MMP16: variants seen among roughly 807,000 people sequenced by gnomAD.
The protein encoded by MMP16 is matrix metallopeptidase 16.
Under a neutral mutation model 67.8 loss-of-function variants are expected in MMP16, and 12 were observed. That is an observed-to-expected ratio of 0.18 (90% CI 0.11 to 0.29). MMP16 has a LOEUF of 0.29. Ranked by LOEUF, MMP16 falls within the 10% of genes least tolerant of loss-of-function variation. MMP16 has a pLI of 1.00. For missense variants in MMP16, 475 were observed against 765.7 expected (o/e 0.62, Z 4.48); for synonymous variants, 249 against 255.9 (o/e 0.97, Z 0.26).
In MMP16 at chr8:88,093,031, C is replaced by T. The variant is rs553781742; in HGVS notation, c.1084-18288G>A. Among the ~76,000 whole-genome samples the T allele has an allele frequency of 4.4e-4, 67 of 151,758 alleles. 1 individual carries two copies. In the South Asian group the frequency reaches 8.1e-3, roughly 18 times the overall value. On this transcript the variant is annotated intron_variant, in intron 6 of 9. Coordinates refer to ENST00000286614, the MANE Select transcript of MMP16 (RefSeq NM_005941.5). ...ATATTCTAAGGAAATCCAGTATAAA[C>T]GGAGGTTTTGCAATGGGCAATGCAG... is the stretch of plus-strand genomic sequence containing the variant.
chr8:88,194,150 G>T (rs971232847), intron 2 of MMP16, among the ~76,000 whole-genome samples: 2 of 151,650 alleles, frequency 1.3e-5, no homozygotes, highest in African/African-American at 2.4e-5. Flanking sequence ...ATAATATAGG[G>T]ATTACTGCAA....
intron 1 of MMP16, among the ~76,000 whole-genome samples, chr8:88,229,116 T>C (rs1328642653): frequency 6.6e-6 from 1 of 151,962 alleles, no homozygotes; most frequent in Non-Finnish European, 1.5e-5. Flanking sequence ...AAACAAACTA[T>C]ATGGTTACAA....
intron 6 of MMP16, among the ~76,000 whole-genome samples, chr8:88,096,662 G>A (rs1186792769): frequency 6.6e-6 from 1 of 151,932 alleles, no homozygotes; most frequent in Non-Finnish European, 1.5e-5. Context: ...GCCAGTCCCT[G>A]TCAGGAAGAT....
chr8:88,282,862 C>A (rs910384462), intron 1 of MMP16, among the ~76,000 whole-genome samples: 4 of 152,078 alleles, frequency 2.6e-5, no homozygotes, highest in African/African-American at 9.7e-5. Flanking sequence ...TTTAAAACAA[C>A]ATGTGTTTCA....
chr8:88,077,741 A>C (rs910633816), intron 6 of MMP16, among the ~76,000 whole-genome samples: 4 of 152,154 alleles, frequency 2.6e-5, no homozygotes, highest in African/African-American at 9.6e-5. Context: ...ATTACATCTC[A>C]GTTTTTTTCC....
At chr8:88,195,153 A>T (rs1809230400) in intron 2 of MMP16, among the ~76,000 whole-genome samples, 1 of 151,800 alleles carries the variant, frequency 6.6e-6, no homozygotes, top group Non-Finnish European at 1.5e-5. Context: ...TGTGCACATT[A>T]CTCTTCCATT....
chr8:88,048,763 G>T (rs1235694223), intron 8 of MMP16, among the ~76,000 whole-genome samples: 1 of 152,074 alleles, frequency 6.6e-6, no homozygotes, highest in Non-Finnish European at 1.5e-5. Context: ...ATCTACTAAA[G>T]CTAGTGTTTT....
intron 4 of MMP16, among the ~76,000 whole-genome samples, chr8:88,129,499 T>C (rs773481819): frequency 2.6e-5 from 4 of 151,684 alleles, no homozygotes; most frequent in Non-Finnish European, 3.0e-5. Context: ...AACTTTATCT[T>C]GACACATTCA....
At chr8:88,171,181 G>A (rs929632116) in intron 3 of MMP16, among the ~76,000 whole-genome samples, 2 of 151,980 alleles carry the variant, frequency 1.3e-5, no homozygotes, top group Admixed American at 6.6e-5. Context: ...ACAACACATC[G>A]CTGTGTTTTT....
intron 4 of MMP16, among the ~76,000 whole-genome samples, chr8:88,154,535 C>A (rs1053543692): frequency 3.4e-4 from 51 of 151,280 alleles, no homozygotes; most frequent in Admixed American, 3.3e-3. Context: ...TACTATGCAG[C>A]CATAAAAAAT....
At chr8:88,244,610 T>C (rs1301238629) in intron 1 of MMP16, among the ~76,000 whole-genome samples, 6 of 152,144 alleles carry the variant, frequency 3.9e-5, no homozygotes, top group Admixed American at 3.9e-4. Context: ...CTGATCATAG[T>C]CCTATCCTAT....
At chr8:88,247,947 G>A (rs985999557) in intron 1 of MMP16, among the ~76,000 whole-genome samples, 3 of 151,998 alleles carry the variant, frequency 2.0e-5, no homozygotes, top group Admixed American at 1.3e-4. Flanking sequence ...AAGTAATTAT[G>A]AAAGCTTGGG....
At chr8:88,194,842 T>C (rs770108346) in intron 2 of MMP16, among the ~76,000 whole-genome samples, 3 of 151,940 alleles carry the variant, frequency 2.0e-5, no homozygotes, top group Non-Finnish European at 2.9e-5. Flanking sequence ...CATGGCTTTG[T>C]TCAAATAAAA....
intron 4 of MMP16, among the ~76,000 whole-genome samples, chr8:88,159,152 C>G (rs1207949930): frequency 6.6e-6 from 1 of 152,134 alleles, no homozygotes; most frequent in African/African-American, 2.4e-5. Context: ...AATGTGGGCT[C>G]TCTTTTGGGT....
intron 8 of MMP16, among the ~76,000 whole-genome samples, chr8:88,050,570 T>A (rs1808257282): frequency 6.6e-6 from 1 of 152,314 alleles, no homozygotes; most frequent in East Asian, 1.9e-4. Context: ...TACAATGTTC[T>A]CTATAATAAT....
At chr8:88,226,090 TAG>T (rs1420966707) in intron 1 of MMP16, among the ~76,000 whole-genome samples, 1 of 151,828 alleles carries the variant, frequency 6.6e-6, no homozygotes, top group African/African-American at 2.4e-5. Flanking sequence ...AACTAACAAA[TAG>T]ACTGTCGTGT....
chr8:88,235,133 T>C (rs376925462), intron 1 of MMP16, among the ~76,000 whole-genome samples: 1 of 152,120 alleles, frequency 6.6e-6, no homozygotes, highest in African/African-American at 2.4e-5. Context: ...TTAAAAAAGT[T>C]TCACTAGAAG....
intron 8 of MMP16, among the ~76,000 whole-genome samples, chr8:88,055,385 T>G (rs560462098): frequency 6.6e-4 from 100 of 152,266 alleles, no homozygotes; most frequent in Non-Finnish European, 1.2e-3. Context: ...TTTTTATATT[T>G]TTAGTAGAGA....
chr8:88,144,162 C>T (rs1044088633), intron 4 of MMP16, among the ~76,000 whole-genome samples: 3 of 151,936 alleles, frequency 2.0e-5, no homozygotes, highest in African/African-American at 4.8e-5. Flanking sequence ...ACTTAATATG[C>T]ATACAAATGC....
Sources: gnomAD v4.1 joint callset for allele counts (sites outside exome capture counted in the v4.1 genomes callset) on GRCh38, gnomAD v4.1.1 for gene constraint, MANE v1.5 for transcripts, NCBI Gene and HGNC (gene_info 2026-07-23, HGNC 2026-07-21) for gene names.